Variants in EFNA5 observed in about 807,000 individuals in gnomAD.
The protein encoded by EFNA5 is ephrin-A5.
In EFNA5, 5 loss-of-function variants were observed where a neutral mutation model predicts 22.9. The ratio of observed to expected loss-of-function variants is 0.22; its 90% CI spans 0.11 to 0.46. The LOEUF (loss-of-function observed/expected upper bound fraction) is 0.46. Among genes scored for constraint, EFNA5 ranks in the 20% least tolerant of loss-of-function variants. EFNA5 has a pLI of 0.99. For synonymous variants in EFNA5, 113 were observed against 112.2 expected, an observed-to-expected ratio of 1.01 and a Z score of -0.04; for missense variants, 237 against 293.3, an observed-to-expected ratio of 0.81 and a Z score of 1.40.
At chr5:107,578,464 A>G (rs1053266607) in intron 1 of EFNA5, among the ~76,000 whole-genome samples, 1 of 152,248 alleles carries the variant, frequency 6.6e-6, no homozygotes, top group Non-Finnish European at 1.5e-5. Context: ...GGCCAAAACC[A>G]GTTCCCAGTT....
chr5:107,466,949 T>A (rs982702475), intron 1 of EFNA5, among the ~76,000 whole-genome samples: 2 of 152,204 alleles, frequency 1.3e-5, no homozygotes, highest in African/African-American at 4.8e-5. Flanking sequence ...TTGTCTTAAG[T>A]ATTTCTTTTA....
chr5:107,555,920 C>G (rs997803639), intron 1 of EFNA5, among the ~76,000 whole-genome samples: 8 of 152,174 alleles, frequency 5.3e-5, no homozygotes, highest in African/African-American at 1.9e-4. Flanking sequence ...GCATCTCTAT[C>G]CAACTCACCA....
intron 1 of EFNA5, among the ~76,000 whole-genome samples, chr5:107,463,382 A>G (rs946603569): frequency 6.6e-6 from 1 of 152,114 alleles, no homozygotes; most frequent in Non-Finnish European, 1.5e-5. Context: ...TAAAATATAT[A>G]TATTTCTGAT....
chr5:107,496,644 AC>A (rs1746993239), intron 1 of EFNA5, among the ~76,000 whole-genome samples: 1 of 152,296 alleles, frequency 6.6e-6, no homozygotes, highest in African/African-American at 2.4e-5. Context: ...TGCCAACTCT[AC>A]CCCAGACAAC....
chr5:107,575,314 C>T (rs892895753), intron 1 of EFNA5, among the ~76,000 whole-genome samples: 2 of 152,234 alleles, frequency 1.3e-5, no homozygotes, highest in African/African-American at 4.8e-5. Context: ...TTCAGGTGCA[C>T]TTTAAATCCA....
At chr5:107,421,501 GT>G (rs1332865843) in intron 2 of EFNA5, among the ~76,000 whole-genome samples, 1 of 152,080 alleles carries the variant, frequency 6.6e-6, no homozygotes, top group Non-Finnish European at 1.5e-5. Context: ...AACTTTTCTG[GT>G]TTCTGAAGTT....
intron 1 of EFNA5, among the ~76,000 whole-genome samples, chr5:107,591,520 T>C (rs1749324530): frequency 6.6e-6 from 1 of 151,918 alleles, no homozygotes. Context: ...CCATGGTAGA[T>C]GCTTAATAAA....
chr5:107,518,721 G>A (rs1301466939), intron 1 of EFNA5, among the ~76,000 whole-genome samples: 1 of 152,184 alleles, frequency 6.6e-6, no homozygotes, highest in East Asian at 1.9e-4. Context: ...TGAAGATCAA[G>A]TCATTTTAGA....
At chr5:107,457,051 G>A (rs1196378184) in intron 1 of EFNA5, among the ~76,000 whole-genome samples, 2 of 152,006 alleles carry the variant, frequency 1.3e-5, no homozygotes, top group Admixed American at 1.3e-4. Context: ...AGATTAGCTG[G>A]GCCCACAGGG....
At chr5:107,659,039 T>C (rs113374238) in intron 1 of EFNA5, among the ~76,000 whole-genome samples, 2 of 152,184 alleles carry the variant, frequency 1.3e-5, no homozygotes, top group African/African-American at 2.4e-5. Context: ...TATAATTATA[T>C]GTATAAAATT....
chr5:107,455,305 T>C (rs192418627), intron 1 of EFNA5, among the ~76,000 whole-genome samples: 188 of 152,306 alleles, frequency 1.2e-3, no homozygotes, highest in Non-Finnish European at 2.4e-3. Flanking sequence ...CCTTACATCC[T>C]GAAACGTGAG....
chr5:107,647,245 C>T (rs1750647048), intron 1 of EFNA5, among the ~76,000 whole-genome samples: 3 of 152,068 alleles, frequency 2.0e-5, no homozygotes, highest in Admixed American at 2.0e-4. Flanking sequence ...GCCAGACAAG[C>T]AAACTTCTTG....
chr5:107,408,166 A>AACGC (rs1748270132), intron 2 of EFNA5, among the ~76,000 whole-genome samples: 1 of 149,346 alleles, frequency 6.7e-6, no homozygotes, highest in Admixed American at 6.6e-5. Context: ...TCAGCAAAAC[A>AACGC]ACGCACACAC....
intron 2 of EFNA5, among the ~76,000 whole-genome samples, chr5:107,398,665 G>A (rs920303022): frequency 6.6e-6 from 1 of 151,806 alleles, no homozygotes; most frequent in Non-Finnish European, 1.5e-5. Context: ...TGGGCAACGT[G>A]GCAAGACCCT....
chr5:107,512,850 G>A (rs1272016810), intron 1 of EFNA5, among the ~76,000 whole-genome samples: 3 of 152,094 alleles, frequency 2.0e-5, no homozygotes, highest in Admixed American at 6.5e-5. Context: ...AAAATAATTG[G>A]GGAGCTCTTT....
At chr5:107,482,818 CTCTCTCTG>C (rs1750509522) in intron 1 of EFNA5, among the ~76,000 whole-genome samples, 3 of 79,812 alleles carry the variant, frequency 3.8e-5, no homozygotes, top group African/African-American at 1.5e-4. Flanking sequence ...CTCTCTGTCT[CTCTCTCTG>C]TCTCTGTCTC....
chr5:107,397,366 T>C (rs925372853), intron 2 of EFNA5, among the ~76,000 whole-genome samples: 1 of 151,986 alleles, frequency 6.6e-6, no homozygotes, highest in Non-Finnish European at 1.5e-5. Context: ...CTTGCCAAGA[T>C]GGTGAAATCC....
intron 1 of EFNA5, among the ~76,000 whole-genome samples, chr5:107,473,582 C>T (rs1750200889): frequency 6.6e-6 from 1 of 152,056 alleles, no homozygotes; most frequent in Non-Finnish European, 1.5e-5. Flanking sequence ...AGATGCCAAA[C>T]CATGACACAT....
At chr5:107,513,664 T>C (rs1324249880) in intron 1 of EFNA5, among the ~76,000 whole-genome samples, 1 of 152,202 alleles carries the variant, frequency 6.6e-6, no homozygotes, top group African/African-American at 2.4e-5. Context: ...ACCAGCTTCT[T>C]GCAAGCCTGC....
Sources: allele counts gnomAD v4.1 joint callset (sites outside exome capture counted in the v4.1 genomes callset), GRCh38; gene constraint gnomAD v4.1.1; transcripts MANE v1.5; gene names NCBI Gene and HGNC (gene_info 2026-07-23, HGNC 2026-07-21).